OSBPL8: variants seen among roughly 807,000 people sequenced by gnomAD.
The protein encoded by OSBPL8 is oxysterol binding protein like 8, also known as oxysterol-binding protein-related protein 8.
OSBPL8 carries 59 observed loss-of-function variants against 125.5 expected under a neutral mutation model. That is an observed-to-expected ratio of 0.47 (90% CI 0.38 to 0.58). OSBPL8 has a LOEUF of 0.58. Ranked by LOEUF, OSBPL8 falls within the 20% of genes least tolerant of loss-of-function variation. The probability of loss-of-function intolerance (pLI) is 0.00; values close to 1 mark genes in which losing one functional copy is unlikely to be tolerated. For synonymous variants in OSBPL8, 330 were observed against 338.9 expected, an observed-to-expected ratio of 0.97 and a Z score of 0.29; for missense variants, 758 against 1,047.8, an observed-to-expected ratio of 0.72 and a Z score of 3.82.
Position 76,478,537 on chromosome 12 carries a change from T to A in OSBPL8, c.42+8973A>T, listed in dbSNP as rs995064130. Among the ~76,000 whole-genome samples, 7 of 152,114 alleles carry A rather than the reference T, an allele frequency of 4.6e-5. No homozygotes were observed. The East Asian group carries it at 1.4e-3, about 29-fold the overall frequency. On this transcript the variant is annotated intron_variant, in intron 2 of 23. Transcript: ENST00000261183. ...TTTAAAAAGCTAACGCTTTCTCCAA[T>A]GAGGCTCCCCAAATTTACTACAGAG...
intron 17 of OSBPL8, among the ~76,000 whole-genome samples, chr12:76,374,813 T>C (rs1035170950): frequency 3.3e-5 from 5 of 152,096 alleles, no homozygotes; most frequent in Non-Finnish European, 5.9e-5. Context: ...ACAGAACTCA[T>C]GAGGAACAGC....
chr12:76,465,072 T>C (rs1034615726), intron 2 of OSBPL8, among the ~76,000 whole-genome samples: 2 of 152,160 alleles, frequency 1.3e-5, no homozygotes, highest in African/African-American at 4.8e-5. Context: ...AAAATATACT[T>C]GTGCACATTT....
intron 2 of OSBPL8, among the ~76,000 whole-genome samples, chr12:76,487,259 G>A (rs1247930715): frequency 6.6e-6 from 1 of 151,868 alleles, no homozygotes; most frequent in Non-Finnish European, 1.5e-5. Context: ...TTGAACTCCT[G>A]AGCTCAGGTA....
At chr12:76,357,632 C>T (rs1451232628) in intron 22 of OSBPL8, among the ~76,000 whole-genome samples, 1 of 152,198 alleles carries the variant, frequency 6.6e-6, no homozygotes, top group Non-Finnish European at 1.5e-5. Context: ...CCCTACCCCA[C>T]TCTCCAAGCC....
At chr12:76,441,310 T>C (rs1192329966) in intron 4 of OSBPL8, among the ~76,000 whole-genome samples, 1 of 152,178 alleles carries the variant, frequency 6.6e-6, no homozygotes, top group Non-Finnish European at 1.5e-5. Context: ...AAGATTTCAT[T>C]GTTTCATTCT....
chr12:76,547,192 A>G (rs1046537543), intron 1 of OSBPL8, among the ~76,000 whole-genome samples: 2 of 152,236 alleles, frequency 1.3e-5, no homozygotes, highest in Non-Finnish European at 2.9e-5. Flanking sequence ...AAAGAATTGA[A>G]AACGATTAAA....
chr12:76,359,001 G>A (rs1952096566), intron 21 of OSBPL8, among the ~76,000 whole-genome samples, 190 bp from the exon 22 acceptor site: 1 of 152,206 alleles, frequency 6.6e-6, no homozygotes, highest in Admixed American at 6.5e-5. Context: ...TTAATAGGAA[G>A]TACTTTGGCA....
At chr12:76,433,872 G>A (rs1020130880) in intron 4 of OSBPL8, among the ~76,000 whole-genome samples, 26 of 151,332 alleles carry the variant, frequency 1.7e-4, no homozygotes, top group African/African-American at 6.1e-4. Flanking sequence ...CTACTCAGGA[G>A]GCTGACACAG....
intron 1 of OSBPL8, among the ~76,000 whole-genome samples, chr12:76,510,273 C>T (rs1803101307): frequency 6.6e-6 from 1 of 152,102 alleles, no homozygotes; most frequent in Admixed American, 6.6e-5. Context: ...TGACAAGTTA[C>T]TAATAAAATG....
intron 15 of OSBPL8, among the ~76,000 whole-genome samples, chr12:76,383,217 C>T (rs1953136906): frequency 6.6e-6 from 1 of 151,858 alleles, no homozygotes; most frequent in South Asian, 2.1e-4. Flanking sequence ...ACCTCGTACT[C>T]AATAAAAATT....
chr12:76,361,473 T>C (rs1952203285), intron 21 of OSBPL8, among the ~76,000 whole-genome samples: 1 of 152,210 alleles, frequency 6.6e-6, no homozygotes, highest in Admixed American at 6.5e-5. Context: ...CTCCAAACTG[T>C]TGCAACCTCT....
At chr12:76,455,145 A>G (rs1873878954) in intron 3 of OSBPL8, among the ~76,000 whole-genome samples, 1 of 151,946 alleles carries the variant, frequency 6.6e-6, no homozygotes, top group Non-Finnish European at 1.5e-5. Flanking sequence ...TCGGAGGCTG[A>G]GGCAAGAGAA....
chr12:76,371,755 T>TATA, intron 18 of OSBPL8, 171 bp from the exon 19 acceptor site: 1 of 552,302 alleles, frequency 1.8e-6, no homozygotes, highest in Non-Finnish European at 2.7e-6. Context: ...TTATCATTTT[T>TATA]ATAAAAACAT....
chr12:76,479,730 T>C (rs925530578), intron 2 of OSBPL8, among the ~76,000 whole-genome samples: 1 of 152,184 alleles, frequency 6.6e-6, no homozygotes, highest in Non-Finnish European at 1.5e-5. Context: ...GGAAAATTCA[T>C]ATTGTAGAAA....
intron 9 of OSBPL8, among the ~76,000 whole-genome samples, chr12:76,393,286 A>G (rs1953641588): frequency 6.6e-6 from 1 of 152,220 alleles, no homozygotes; most frequent in Non-Finnish European, 1.5e-5. Context: ...TTAAAAGTGA[A>G]TTAGCAGAAA....
At chr12:76,485,613 A>G (rs568067829) in intron 2 of OSBPL8, among the ~76,000 whole-genome samples, 1 of 152,326 alleles carries the variant, frequency 6.6e-6, no homozygotes, top group East Asian at 1.9e-4. Flanking sequence ...TTACTTGGAT[A>G]CATACTTTGA....
chr12:76,472,004 C>T lies in OSBPL8; in HGVS notation c.43-12109G>A, dbSNP rs556779086. Among the ~76,000 whole-genome samples, 7 of 152,278 alleles carry T rather than the reference C, an allele frequency of 4.6e-5. No homozygotes were observed. In the East Asian group the frequency reaches 1.2e-3, roughly 25 times the overall value. On this transcript the variant is annotated intron_variant, in intron 2 of 23. Transcript: ENST00000261183. The stretch of plus-strand genomic sequence containing the variant: ...CTGACTCTTCTGATCCCCTCTGCAT[C>T]GTATATGGTCATCTATAACAATGTT...
intron 5 of OSBPL8, among the ~76,000 whole-genome samples, chr12:76,404,708 C>A (rs1218322494): frequency 6.6e-6 from 1 of 152,144 alleles, no homozygotes; most frequent in Non-Finnish European, 1.5e-5. Flanking sequence ...TTTCCTCTAG[C>A]TTACTTTATT....
intron 1 of OSBPL8, among the ~76,000 whole-genome samples, chr12:76,527,706 G>C (rs1451831684): frequency 1.3e-5 from 2 of 152,156 alleles, no homozygotes; most frequent in East Asian, 3.9e-4. Context: ...GACAGGCCCA[G>C]GGAAATGCCT....
Sources: gnomAD v4.1 joint callset for allele counts (sites outside exome capture counted in the v4.1 genomes callset) on GRCh38, gnomAD v4.1.1 for gene constraint, MANE v1.5 for transcripts, NCBI Gene and HGNC (gene_info 2026-07-23, HGNC 2026-07-21) for gene names.